The following IGF2BP2 variants were observed in gnomAD, a reference collection of about 807,000 sequenced individuals.
IGF2BP2 encodes insulin-like growth factor 2 mRNA-binding protein 2.
IGF2BP2 carries 17 observed loss-of-function variants against 75.8 expected under a neutral mutation model. The ratio of observed to expected loss-of-function variants is 0.22; its 90% CI spans 0.15 to 0.34. The LOEUF (loss-of-function observed/expected upper bound fraction) is 0.34, where lower values mean the gene tolerates loss of function less well. Among genes scored for constraint, IGF2BP2 ranks in the 10% least tolerant of loss-of-function variants. The pLI is 1.00. For synonymous variants in IGF2BP2, 288 were observed against 295.6 expected, an observed-to-expected ratio of 0.97 and a Z score of 0.26; for missense variants, 516 against 772.4, an observed-to-expected ratio of 0.67 and a Z score of 3.93.
intron 14 of IGF2BP2, among the ~76,000 whole-genome samples, chr3:185,648,930 A>G (rs780446494): frequency 6.6e-6 from 1 of 151,864 alleles, no homozygotes; most frequent in Non-Finnish European, 1.5e-5. Context: ...GAGGGCTGAG[A>G]GTCAGAAGAG....
chr3:185,797,716 A>G (rs1177890820), intron 2 of IGF2BP2, among the ~76,000 whole-genome samples: 1 of 146,740 alleles, frequency 6.8e-6, no homozygotes, highest in African/African-American at 2.5e-5. Flanking sequence ...CCAGCCTGGC[A>G]ACATGGCAAA....
chr3:185,660,560 T>C (rs1010766546), intron 10 of IGF2BP2, among the ~76,000 whole-genome samples: 2 of 152,126 alleles, frequency 1.3e-5, no homozygotes, highest in African/African-American at 4.8e-5. Flanking sequence ...ACGGCTGTAG[T>C]GAGAGCCTTG....
At chr3:185,750,771 C>T (rs1730859105) in intron 2 of IGF2BP2, among the ~76,000 whole-genome samples, 1 of 152,226 alleles carries the variant, frequency 6.6e-6, no homozygotes, top group South Asian at 2.1e-4. Flanking sequence ...AGCCCCTTCA[C>T]CTGTGTACTT....
At chr3:185,793,638 G>C (rs981786402) in intron 2 of IGF2BP2, among the ~76,000 whole-genome samples, 2 of 152,176 alleles carry the variant, frequency 1.3e-5, no homozygotes, top group African/African-American at 2.4e-5. Flanking sequence ...AGGTAAGAGA[G>C]ACTCTTTTCT....
chr3:185,664,906 A>G (rs982439158), intron 10 of IGF2BP2, among the ~76,000 whole-genome samples: 1 of 152,198 alleles, frequency 6.6e-6, no homozygotes, highest in Non-Finnish European at 1.5e-5. Flanking sequence ...TGAGCCAAAG[A>G]AAAACACGGA....
At chr3:185,673,315 A>G (rs775046745) in intron 9 of IGF2BP2, among the ~76,000 whole-genome samples, 14 of 152,238 alleles carry the variant, frequency 9.2e-5, no homozygotes, top group Non-Finnish European at 1.5e-4. Flanking sequence ...TAAGTACTCA[A>G]TAAATATTTG....
intron 2 of IGF2BP2, among the ~76,000 whole-genome samples, chr3:185,734,614 T>C (rs1262053172): frequency 2.6e-5 from 4 of 152,204 alleles, no homozygotes; most frequent in African/African-American, 7.2e-5. Flanking sequence ...AGGTTTCCAA[T>C]GAAGTGAGAA....
At chr3:185,680,935 T>C (rs79176458) in intron 7 of IGF2BP2, among the ~76,000 whole-genome samples, 8,380 of 152,178 alleles carry the variant, frequency 0.055, 249 homozygotes, top group African/African-American at 0.059. Flanking sequence ...AAAAGGAAAT[T>C]ACTTCAACAT....
intron 11 of IGF2BP2, 90 bp from the exon 12 acceptor site, chr3:185,657,492 C>T: frequency 1.0e-6 from 1 of 977,500 alleles, no homozygotes. Context: ...TACCATGAAC[C>T]CCATGGTGGG....
chr3:185,785,719 A>G (rs1023197695), intron 2 of IGF2BP2, among the ~76,000 whole-genome samples: 1 of 152,180 alleles, frequency 6.6e-6, no homozygotes, highest in Admixed American at 6.5e-5. Flanking sequence ...CTAGCTACTC[A>G]GGAGGATCAC....
intron 2 of IGF2BP2, among the ~76,000 whole-genome samples, chr3:185,752,576 GT>G (rs1731099677): frequency 2.0e-5 from 3 of 152,004 alleles, no homozygotes; most frequent in Non-Finnish European, 4.4e-5. Flanking sequence ...CCTAAAGGTA[GT>G]AAGAGCATAA....
intron 3 of IGF2BP2, among the ~76,000 whole-genome samples, chr3:185,697,169 C>T (rs145701110): frequency 2.3e-3 from 353 of 152,304 alleles, no homozygotes; most frequent in African/African-American, 8.0e-3. Context: ...GGCACCATCT[C>T]GGCTCACAGC....
intron 2 of IGF2BP2, among the ~76,000 whole-genome samples, chr3:185,789,945 G>T (rs1306411584): frequency 6.6e-6 from 1 of 152,010 alleles, no homozygotes; most frequent in Middle Eastern, 3.2e-3. Context: ...TGTTGGCCAG[G>T]CCAGTCTTGA....
At chr3:185,669,124 A>G (rs970558359) in intron 10 of IGF2BP2, among the ~76,000 whole-genome samples, 2 of 152,220 alleles carry the variant, frequency 1.3e-5, no homozygotes, top group African/African-American at 4.8e-5. Flanking sequence ...GGTATGGAAG[A>G]AAAAATCTTG....
At chr3:185,682,586 CG>C (rs1457220933) in intron 7 of IGF2BP2, among the ~76,000 whole-genome samples, 1 of 152,040 alleles carries the variant, frequency 6.6e-6, no homozygotes, top group East Asian at 1.9e-4. Context: ...ACTCCCATAA[CG>C]AAAGAATCAA....
chr3:185,740,169 T>C (rs1333080928), intron 2 of IGF2BP2, among the ~76,000 whole-genome samples: 1 of 152,170 alleles, frequency 6.6e-6, no homozygotes, highest in Non-Finnish European at 1.5e-5. Flanking sequence ...TTCTCAATTG[T>C]TGAAAAGCAA....
intron 2 of IGF2BP2, among the ~76,000 whole-genome samples, chr3:185,792,041 G>A (rs1273782068): frequency 6.6e-6 from 1 of 152,168 alleles, no homozygotes; most frequent in Non-Finnish European, 1.5e-5. Flanking sequence ...AAGAGGGGCT[G>A]TTCCTTTATT....
intron 3 of IGF2BP2, among the ~76,000 whole-genome samples, chr3:185,697,937 T>C (rs754116762): frequency 1.3e-5 from 2 of 152,080 alleles, no homozygotes; most frequent in Non-Finnish European, 2.9e-5. Context: ...TGAGCCATGA[T>C]TGGGCCACTG....
chr3:185,818,664 G>A (rs960345432), intron 2 of IGF2BP2, among the ~76,000 whole-genome samples: 1 of 152,126 alleles, frequency 6.6e-6, no homozygotes, highest in Non-Finnish European at 1.5e-5. Flanking sequence ...CTGACCAATT[G>A]CTCATCTACT....
Sources: allele counts gnomAD v4.1 joint callset (sites outside exome capture counted in the v4.1 genomes callset), GRCh38; gene constraint gnomAD v4.1.1; transcripts MANE v1.5; gene names NCBI Gene and HGNC (gene_info 2026-07-23, HGNC 2026-07-21).